The following ZNF385D variants were observed in gnomAD, a reference collection of about 807,000 sequenced individuals.
The protein encoded by ZNF385D is zinc finger protein 659.
In ZNF385D, 15 loss-of-function variants were observed where a neutral mutation model predicts 35.8. That is an observed-to-expected ratio of 0.42 (90% CI 0.28 to 0.64). The LOEUF (loss-of-function observed/expected upper bound fraction) is 0.64. Among genes scored for constraint, ZNF385D ranks in the 30% least tolerant of loss-of-function variants. ZNF385D has a pLI of 0.23. For synonymous variants in ZNF385D, 212 were observed against 186.8 expected, an observed-to-expected ratio of 1.13 and a Z score of -1.10; for missense variants, 474 against 494.6, an observed-to-expected ratio of 0.96 and a Z score of 0.39.
At chr3:21,570,816 A>G (rs192127200) in intron 2 of ZNF385D, among the ~76,000 whole-genome samples, 1 of 152,266 alleles carries the variant, frequency 6.6e-6, no homozygotes, top group Non-Finnish European at 1.5e-5. Flanking sequence ...ATCATATTCA[A>G]CTATGAACAT....
chr3:22,042,824 C>G (rs1012803275), intron 3 of ZNF385D, among the ~76,000 whole-genome samples: 1 of 152,178 alleles, frequency 6.6e-6, no homozygotes, highest in Non-Finnish European at 1.5e-5. Flanking sequence ...CATGCCTGAT[C>G]TCGACGTGTT....
At chr3:22,062,527 A>C (rs1699745028) in intron 3 of ZNF385D, among the ~76,000 whole-genome samples, 1 of 152,210 alleles carries the variant, frequency 6.6e-6, no homozygotes, top group Non-Finnish European at 1.5e-5. Context: ...AGTGAGCCTA[A>C]CTTGTGATCA....
At chr3:22,132,050 A>G (rs111396867) in intron 3 of ZNF385D, among the ~76,000 whole-genome samples, 13 of 152,300 alleles carry the variant, frequency 8.5e-5, no homozygotes, top group South Asian at 8.3e-4. Flanking sequence ...TTGTTCATCA[A>G]TTGATAAAGA....
At chr3:21,674,161 T>G (rs1461219704) in intron 1 of ZNF385D, among the ~76,000 whole-genome samples, 1 of 152,140 alleles carries the variant, frequency 6.6e-6, no homozygotes, top group Non-Finnish European at 1.5e-5. Context: ...TGTCTCAGGC[T>G]GCAGAAGGAT....
At chr3:21,732,064 T>G (rs1214889015) in intron 1 of ZNF385D, among the ~76,000 whole-genome samples, 2 of 97,474 alleles carry the variant, frequency 2.1e-5, no homozygotes, top group Non-Finnish European at 2.0e-5. Context: ...TTTTTTTTTT[T>G]TTTTTGAGAA....
At chr3:21,783,859 G>C (rs1276147702) in intron 3 of ZNF385D, among the ~76,000 whole-genome samples, 2 of 152,160 alleles carry the variant, frequency 1.3e-5, no homozygotes, top group African/African-American at 4.8e-5. Flanking sequence ...ACAATATAGC[G>C]AGGGAAAGTC....
chr3:21,652,331 G>C (rs1376135449), intron 2 of ZNF385D, among the ~76,000 whole-genome samples: 1 of 151,970 alleles, frequency 6.6e-6, no homozygotes, highest in Non-Finnish European at 1.5e-5. Flanking sequence ...ACAGACCTGG[G>C]GCATGTTAGA....
intron 3 of ZNF385D, among the ~76,000 whole-genome samples, chr3:22,085,562 T>G (rs111372090): frequency 2.6e-5 from 4 of 151,958 alleles, no homozygotes; most frequent in Non-Finnish European, 4.4e-5. Flanking sequence ...AATAACAGGC[T>G]CTGAAATTGA....
chr3:22,266,472 A>G (rs978142235), intron 2 of ZNF385D, among the ~76,000 whole-genome samples: 9 of 151,862 alleles, frequency 5.9e-5, no homozygotes, highest in Non-Finnish European at 1.2e-4. Context: ...GCTGACTGCT[A>G]TCTTATTTAG....
intron 3 of ZNF385D, among the ~76,000 whole-genome samples, chr3:21,874,615 T>A (rs1430865161): frequency 2.6e-5 from 4 of 152,110 alleles, no homozygotes; most frequent in African/African-American, 9.6e-5. Flanking sequence ...AGCTTTGTAA[T>A]ATGTTTCAAA....
At chr3:22,249,858 A>C (rs1365845070) in intron 2 of ZNF385D, among the ~76,000 whole-genome samples, 1 of 152,154 alleles carries the variant, frequency 6.6e-6, no homozygotes, top group Non-Finnish European at 1.5e-5. Context: ...TGTATATGCC[A>C]TGTCAGCTTT....
At chr3:22,265,990 A>G (rs930475692) in intron 2 of ZNF385D, among the ~76,000 whole-genome samples, 2 of 151,896 alleles carry the variant, frequency 1.3e-5, no homozygotes, top group Non-Finnish European at 2.9e-5. Flanking sequence ...CTATACTGGG[A>G]CCAGCTAACT....
intron 2 of ZNF385D, among the ~76,000 whole-genome samples, chr3:22,179,063 T>C (rs1695036347): frequency 6.6e-6 from 1 of 152,110 alleles, no homozygotes; most frequent in Non-Finnish European, 1.5e-5. Flanking sequence ...GACTTGGCGA[T>C]GTGGGCTCTT....
chr3:21,616,671 CTT>C (rs2064856340), intron 2 of ZNF385D, among the ~76,000 whole-genome samples: 1 of 152,076 alleles, frequency 6.6e-6, no homozygotes, highest in South Asian at 2.1e-4. Flanking sequence ...GCTTATTATA[CTT>C]AGTATGTGGG....
rs1700654224 is a variant in ZNF385D, at chr3:21,419,618, T to C, written c.*1596A>G. 6.6e-6 allele frequency: 1 copy of C among 152,124 alleles called. No individual in the cohort carries two copies. Among genetic ancestry groups the C allele is most frequent in the Non-Finnish European group, 1.5e-5 (1 of 68,006 alleles). The allele number at this position is 152,124 out of a possible 1,614,324, so 9.4% of individuals were successfully genotyped here. On this transcript the variant is annotated 3_prime_UTR_variant, in exon 8 of 8. Coordinates refer to ENST00000281523, the MANE Select transcript of ZNF385D (RefSeq NM_024697.3). ...TTTGTCATTATTCTAAGTTTCAGTG[T>C]CATTGCTCTTATTAATGCAACAGAC...
intron 3 of ZNF385D, among the ~76,000 whole-genome samples, chr3:21,535,879 A>G (rs1397187864): frequency 6.6e-6 from 1 of 151,942 alleles, no homozygotes; most frequent in African/African-American, 2.4e-5. Flanking sequence ...ATCGCTAGTC[A>G]CCCTGAGTTT....
At chr3:21,866,982 C>G (rs1463861185) in intron 3 of ZNF385D, among the ~76,000 whole-genome samples, 1 of 152,046 alleles carries the variant, frequency 6.6e-6, no homozygotes, top group Admixed American at 6.6e-5. Context: ...TCGATTTGTG[C>G]TACATAACAG....
At chr3:21,849,270 G>A (rs1696217158) in intron 3 of ZNF385D, among the ~76,000 whole-genome samples, 1 of 145,158 alleles carries the variant, frequency 6.9e-6, no homozygotes, top group South Asian at 2.3e-4. Context: ...CAGTGTAATA[G>A]TGCCACTTCT....
intron 2 of ZNF385D, among the ~76,000 whole-genome samples, chr3:21,602,517 C>T (rs13059140): frequency 0.068 from 4,201 of 61,708 alleles, 171 homozygotes; most frequent in South Asian, 0.14. Flanking sequence ...CCTGCATTTT[C>T]TTTTTTTTTT....
Sources: allele counts gnomAD v4.1 joint callset (sites outside exome capture counted in the v4.1 genomes callset), GRCh38; gene constraint gnomAD v4.1.1; transcripts MANE v1.5; gene names NCBI Gene and HGNC (gene_info 2026-07-23, HGNC 2026-07-21).